The following COL6A1 variants were observed in gnomAD, a reference collection of about 807,000 sequenced individuals.
COL6A1 encodes the protein collagen alpha-1(VI) chain.
In COL6A1, 80 loss-of-function variants were observed where a neutral mutation model predicts 145.6. The ratio of observed to expected loss-of-function variants is 0.55; its 90% CI spans 0.46 to 0.66. The LOEUF (loss-of-function observed/expected upper bound fraction) is 0.66. Ranked by LOEUF, COL6A1 falls within the 30% of genes least tolerant of loss-of-function variation. The probability of loss-of-function intolerance (pLI) is 0.00; values close to 1 mark genes in which losing one functional copy is unlikely to be tolerated. For missense variants in COL6A1, 1,364 were observed against 1,473.8 expected (o/e 0.93, Z 1.22); for synonymous variants, 638 against 622.8 (o/e 1.02, Z -0.36).
intron 6 of COL6A1, 50 bp from the exon 7 acceptor site, chr21:45,987,449 G>T: frequency 1.2e-6 from 2 of 1,612,054 alleles, no homozygotes; most frequent in East Asian, 2.2e-5. Context: ...TGTCCCAGCC[G>T]TATGTCCGTG....
chr21:45,981,986 C>G, intron 1 of COL6A1, 39 bp downstream of exon 1: 1 of 1,497,998 alleles, frequency 6.7e-7, no homozygotes, highest in Non-Finnish European at 9.2e-7. Flanking sequence ...AGACCCCCCG[C>G]TCTTTGCTGC....
intron 13 of COL6A1, 100 bp downstream of exon 13, chr21:45,990,522 TG>T: frequency 1.2e-6 from 1 of 808,018 alleles, no homozygotes; most frequent in Non-Finnish European, 1.7e-6. Context: ...CGGGGAGGGA[TG>T]GGGTGGACAG....
intron 11 of COL6A1, among the ~76,000 whole-genome samples, 177 bp from the exon 12 acceptor site, chr21:45,990,081 G>A (rs1476108306): frequency 6.6e-5 from 4 of 60,380 alleles, no homozygotes; most frequent in Non-Finnish European, 1.4e-4. Flanking sequence ...TCCCCCGGGC[G>A]GTTACCCTCT....
At position 45,998,650 on chromosome 21, in the gene COL6A1, T is replaced by C. The variant is rs4818811; in HGVS notation, c.1611+217T>C. On this transcript the variant is annotated intron_variant, in intron 24 of 34. Coordinates refer to ENST00000361866, the MANE Select transcript of COL6A1 (RefSeq NM_001848.3). Reference sequence around the variant, plus strand: ...CCCACTGTGGTGTGGCCTGTGGGTCTCCTCACGGCCCTGACTGCCCGGTGA... The same window carrying C: ...CCCACTGTGGTGTGGCCTGTGGGTCCCCTCACGGCCCTGACTGCCCGGTGA... 0.88 allele frequency among the ~76,000 whole-genome samples: 134,218 copies of C among 152,194 alleles called. 59,325 individuals are homozygous for C. The highest frequency in any genetic ancestry group is 0.93 in the African/African-American group (38,690 of 41,550).
In COL6A1 at chr21:46,004,532, A is replaced by C; in HGVS notation, c.*519A>C. ...GGTTTTTCCCACCAATCCTCACCTA[A>C]CAGTTACTTTACAATTAAACTCAAA... On this transcript the variant is annotated 3_prime_UTR_variant, in exon 35 of 35. Transcript: ENST00000361866. 3.2e-6 allele frequency: 1 copy of C among 315,846 alleles called. No individual in the cohort carries two copies. The highest frequency in any genetic ancestry group is 6.6e-6 in the Non-Finnish European group (1 of 151,280). 19.6% of individuals were successfully genotyped at this position (315,846 alleles called of 1,614,324 possible). A position where few individuals can be genotyped will look rare whatever the true frequency, so the allele number is the denominator to read the frequency against.
intron 6 of COL6A1, 143 bp from the exon 7 acceptor site, chr21:45,987,356 G>T: frequency 6.8e-7 from 1 of 1,469,852 alleles, no homozygotes; most frequent in East Asian, 2.3e-5. Context: ...CTGTGTGTCT[G>T]CCCATGTGCC....
chr21:45,999,791 A>G, intron 27 of COL6A1, 99 bp downstream of exon 27: 2 of 689,428 alleles, frequency 2.9e-6, no homozygotes, highest in Non-Finnish European at 2.2e-6. Context: ...GACGCTGCTC[A>G]CGGGGGGGTG....
intron 23 of COL6A1, 92 bp downstream of exon 23, chr21:45,998,263 G>A: frequency 1.3e-6 from 2 of 1,578,706 alleles, no homozygotes; most frequent in Admixed American, 1.8e-5. Flanking sequence ...TGGGCGGGCT[G>A]GCCCCAGGAC....
chr21:45,993,393 G>A (rs1049634141), intron 19 of COL6A1, among the ~76,000 whole-genome samples: 4 of 152,218 alleles, frequency 2.6e-5, no homozygotes, highest in Non-Finnish European at 4.4e-5. Flanking sequence ...GGCAGACTCC[G>A]GGCGTCTCAG....
intron 2 of COL6A1, among the ~76,000 whole-genome samples, chr21:45,983,666 G>C (rs1027463259): frequency 1.6e-4 from 24 of 152,090 alleles, no homozygotes; most frequent in Middle Eastern, 6.8e-3. Context: ...TTTGGGGGGG[G>C]GTCTGGCTGT....
chr21:45,985,185 CAGAG>C (rs1184781322), intron 3 of COL6A1, among the ~76,000 whole-genome samples: 1,846 of 115,498 alleles, frequency 0.016, 35 homozygotes, highest in African/African-American at 0.05. Context: ...GACAGAGAGA[CAGAG>C]AGAAGCAGAG....
intron 27 of COL6A1, among the ~76,000 whole-genome samples, chr21:45,999,976 T>TG (rs2077832304): frequency 1.0e-4 from 1 of 9,824 alleles, no homozygotes; most frequent in Non-Finnish European, 1.9e-4. Flanking sequence ...GTGAGGATCA[T>TG]GGAGGGGGAC....
At position 46,002,651 on chromosome 21, in the gene COL6A1, A is replaced by G. The variant is rs768749969; in HGVS notation, c.2375A>G (p.Asn792Ser). ...CCCGGCCTCTCGCTGGTCAAGGAGAACTATGCAGAGCTGCTGGAGGATGCC... is the reference window on the plus strand; with the variant it reads ...CCCGGCCTCTCGCTGGTCAAGGAGAGCTATGCAGAGCTGCTGGAGGATGCC... Reference protein sequence around the residue: ...GRPGLSLVKENYAELLEDAFL... With the variant: ...GRPGLSLVKESYAELLEDAFL... Residue 792 changes from asparagine (N) to serine (S), a missense_variant, in exon 33 of 35, where the codon AAC becomes AGC. Asn to Ser is a conservative substitution (Grantham distance 46). Transcript: ENST00000361866. The G allele has an allele frequency of 1.9e-6, 3 of 1,613,902 alleles. No individual in the cohort carries two copies. The highest frequency in any genetic ancestry group is 1.3e-5 in the African/African-American group (1 of 75,030).
rs571641824 is a variant in COL6A1 at position 45,984,397 on chromosome 21, C to A, written c.356C>A (p.Ala119Glu). 1 of 1,612,614 alleles carries A rather than the reference C, an allele frequency of 6.2e-7. No homozygotes were observed. The highest frequency in any genetic ancestry group is 1.3e-5 in the African/African-American group (1 of 74,940). The change falls in exon 3 of 35, where the codon GCG becomes GAG. Residue 119 changes from alanine to glutamate, a missense_variant. By Grantham distance (107) the Ala-to-Glu change is moderately radical. This residue lies in a region of COL6A1 where 414 missense variants were observed against 437.6 expected (regional missense o/e 0.95). Transcript: ENST00000361866. ...GACGCACTCAAAAGCAGCGTGGACG[C>A]GGTCAAGTACTTTGGGAAGGGCACC... Reference protein sequence around the residue: ...GRDALKSSVDAVKYFGKGTYT... With the variant: ...GRDALKSSVDEVKYFGKGTYT...
At chr21:45,997,122 G>A (rs977112297) in intron 20 of COL6A1, among the ~76,000 whole-genome samples, 6 of 139,380 alleles carry the variant, frequency 4.3e-5, no homozygotes, top group Non-Finnish European at 8.1e-5. Context: ...TTCCGTGGGG[G>A]CCTGAGGCAC....
intron 3 of COL6A1, among the ~76,000 whole-genome samples, chr21:45,985,770 A>G (rs1051278718): frequency 6.6e-6 from 1 of 152,206 alleles, no homozygotes; most frequent in Non-Finnish European, 1.5e-5. Context: ...AGAGGGCCAC[A>G]TGGCCGGTGT....
Position 46,003,351 on chromosome 21 carries a change from C to T in COL6A1, c.2465-40C>T, listed in dbSNP as rs762339927. Reference sequence around the variant, plus strand: ...TGGCCGGCCCACTGCGGCTGCATCACCAGGGCCTCATGCTAACGGCTGCCC... The same window carrying T: ...TGGCCGGCCCACTGCGGCTGCATCATCAGGGCCTCATGCTAACGGCTGCCC... On this transcript the variant is annotated intron_variant, in intron 34 of 34. Coordinates refer to ENST00000361866, the MANE Select transcript of COL6A1 (RefSeq NM_001848.3). The T allele has an allele frequency of 1.5e-5, 24 of 1,600,226 alleles. No homozygotes were observed. The Admixed American group carries it at 3.8e-4, about 26-fold the overall frequency.
In COL6A1 at chr21:45,981,849, A is replaced by ACATGAGGG; in HGVS notation, c.1_8dup. 1.9e-6 allele frequency: 3 copies of ACATGAGGG among 1,581,208 alleles called. No individual in the cohort carries two copies. The highest frequency in any genetic ancestry group is 2.6e-6 in the Non-Finnish European group (3 of 1,166,298). ...GCTGTGTGGTGACCGCAGGCCCCAG[A>ACATGAGGG]CATGAGGGCGGCCCGTGCTCTGCTG... On this transcript the variant is annotated 5_prime_UTR_variant, in exon 1 of 35. In the 5' UTR this introduces an upstream ATG that the reference lacks. Transcript: ENST00000361866.
Position 46,004,617 on chromosome 21 carries a change from A to G in COL6A1, c.*604A>G. 2.5e-6 allele frequency: 1 copy of G among 398,246 alleles called. No homozygotes were observed. The highest frequency in any genetic ancestry group is 5.1e-6 in the Non-Finnish European group (1 of 196,524). 24.7% of individuals were successfully genotyped at this position (398,246 alleles called of 1,614,324 possible). ...GCCTCTGTCTCGTTTTGGGAAACCA[A>G]GGTCAGGAGGCCGTTGCAGACATAA... On this transcript the variant is annotated 3_prime_UTR_variant, in exon 35 of 35. Coordinates refer to ENST00000361866, the MANE Select transcript of COL6A1 (RefSeq NM_001848.3).
Sources: gnomAD v4.1 joint callset for allele counts (sites outside exome capture counted in the v4.1 genomes callset) on GRCh38, gnomAD v4.1.1 for gene constraint, gnomAD v4.1.1 regional missense constraint, MANE v1.5 for transcripts, NCBI Gene and HGNC (gene_info 2026-07-23, HGNC 2026-07-21) for gene names.